The following SLC39A11 variants were observed in gnomAD, a reference collection of about 807,000 sequenced individuals.
SLC39A11 encodes the protein solute carrier family 39 member 11, also known as zinc transporter ZIP11.
Under a neutral mutation model 36.1 loss-of-function variants are expected in SLC39A11, and 33 were observed. The observed-to-expected ratio is 0.91, with a 90% CI of 0.69 to 1.22. SLC39A11 has a LOEUF of 1.22. Among genes scored for constraint, SLC39A11 ranks in the 50% most tolerant of loss-of-function variants. The probability of loss-of-function intolerance (pLI) is 0.00; values close to 1 mark genes in which losing one functional copy is unlikely to be tolerated. For missense variants in SLC39A11, 432 were observed against 430.3 expected, an observed-to-expected ratio of 1.00 and a Z score of -0.03; for synonymous variants, 166 against 170.3, an observed-to-expected ratio of 0.97 and a Z score of 0.20.
intron 6 of SLC39A11, among the ~76,000 whole-genome samples, chr17:72,753,909 A>AC (rs2075253439): frequency 6.7e-6 from 1 of 149,650 alleles, no homozygotes; most frequent in African/African-American, 2.5e-5. Context: ...AAAAAAAAAA[A>AC]AAACCTGCAC....
rs188799086 is a variant in SLC39A11 at position 72,656,194 on chromosome 17, A to G, written c.672-6926T>C. 4.1e-3 allele frequency among the ~76,000 whole-genome samples: 631 copies of G among 152,308 alleles called. 7 individuals are homozygous for G. Among genetic ancestry groups the G allele is most frequent in the African/African-American group, 0.015 (603 of 41,570 alleles). ...AAAGCCACGGGGAAAATACAAACCC[A>G]TGCCCTTCTGAAGACAGTGAAGCTG... On this transcript the variant is annotated intron_variant, in intron 7 of 9. Transcript: ENST00000255559.
chr17:73,021,916 T>TC (rs995380281), intron 4 of SLC39A11, among the ~76,000 whole-genome samples: 1 of 152,162 alleles, frequency 6.6e-6, no homozygotes, highest in African/African-American at 2.4e-5. Context: ...CTTAAGGAGT[T>TC]CCCCTCAGCA....
At chr17:72,973,118 C>A (rs2087579256) in intron 4 of SLC39A11, among the ~76,000 whole-genome samples, 1 of 151,326 alleles carries the variant, frequency 6.6e-6, no homozygotes, top group Non-Finnish European at 1.5e-5. Context: ...GAAACGTGAA[C>A]AAACAATAAC....
chr17:72,809,225 C>CTCTCTCTCTCTCTCTCTCTT (rs1568127678), intron 6 of SLC39A11, among the ~76,000 whole-genome samples: 1 of 150,922 alleles, frequency 6.6e-6, no homozygotes, highest in African/African-American at 2.4e-5. Context: ...CTCTCTCTCT[C>CTCTCTCTCTCTCTCTCTCTT]TCTTTCTTTC....
intron 6 of SLC39A11, among the ~76,000 whole-genome samples, chr17:72,800,193 G>A (rs2077036652): frequency 6.6e-6 from 1 of 152,056 alleles, no homozygotes; most frequent in Admixed American, 6.6e-5. Context: ...GAGGCAGGAG[G>A]AATACCAAGG....
chr17:72,697,929 G>A lies in SLC39A11; in HGVS notation c.671+38721C>T, dbSNP rs145260872. Among the ~76,000 whole-genome samples, 967 of 152,316 alleles carry A rather than the reference G, an allele frequency of 6.3e-3. 6 individuals carry two copies. The highest frequency in any genetic ancestry group is 0.01 in the Non-Finnish European group (686 of 68,028). On this transcript the variant is annotated intron_variant, in intron 7 of 9. Transcript: ENST00000255559. ...AGTAGACAGGAGCCACACAAGCTCC[G>A]TTATCACAGTAAAAGCCTTGTCCAG...
intron 7 of SLC39A11, among the ~76,000 whole-genome samples, chr17:72,650,671 G>A (rs2069807227): frequency 6.6e-6 from 1 of 152,254 alleles, no homozygotes; most frequent in Non-Finnish European, 1.5e-5. Flanking sequence ...ATGCTGGTGT[G>A]TGGCCCGAGG....
chr17:72,977,619 G>T (rs1368678283), intron 4 of SLC39A11, among the ~76,000 whole-genome samples: 3 of 152,120 alleles, frequency 2.0e-5, no homozygotes, highest in Non-Finnish European at 2.9e-5. Context: ...AAGCATCAGA[G>T]AAAGTGAAAG....
intron 6 of SLC39A11, among the ~76,000 whole-genome samples, chr17:72,743,969 C>T (rs1029040362): frequency 3.3e-5 from 5 of 152,198 alleles, no homozygotes; most frequent in African/African-American, 9.6e-5. Context: ...TGAACATAAG[C>T]ACCAAAGCGG....
chr17:72,760,560 C>T (rs956518150), intron 6 of SLC39A11, among the ~76,000 whole-genome samples: 10 of 152,240 alleles, frequency 6.6e-5, no homozygotes, highest in Non-Finnish European at 8.8e-5. Context: ...CACACCCCAT[C>T]TCCTACCCTG....
At chr17:73,065,291 G>C (rs2059965991) in intron 3 of SLC39A11, among the ~76,000 whole-genome samples, 2 of 152,172 alleles carry the variant, frequency 1.3e-5, no homozygotes, top group African/African-American at 4.8e-5. Context: ...TGTGATCCCA[G>C]CTACTCGGGA....
intron 6 of SLC39A11, among the ~76,000 whole-genome samples, chr17:72,824,141 G>T (rs1232349075): frequency 6.6e-6 from 1 of 151,274 alleles, no homozygotes; most frequent in African/African-American, 2.4e-5. Context: ...GTTGGAGGAG[G>T]GGCCCGGTGG....
chr17:72,970,493 CAG>C (rs1201022735), intron 4 of SLC39A11, among the ~76,000 whole-genome samples: 1 of 152,090 alleles, frequency 6.6e-6, no homozygotes, highest in Non-Finnish European at 1.5e-5. Flanking sequence ...GCTGAATTGC[CAG>C]AGAGGCAGGG....
Position 72,947,886 on chromosome 17 carries a change from A to G in SLC39A11, c.307-11T>C, listed in dbSNP as rs758428977. Reference sequence around the variant, plus strand: ...GTCTTCTGCTGCACCCTGAAACAAGAAGCGGTAACATCACTAGAGCACCAC... The same window carrying G: ...GTCTTCTGCTGCACCCTGAAACAAGGAGCGGTAACATCACTAGAGCACCAC... On this transcript the variant is annotated splice_polypyrimidine_tract_variant and intron_variant, in intron 4 of 9. Coordinates refer to ENST00000255559, the MANE Select transcript of SLC39A11 (RefSeq NM_139177.4). 1.1e-5 allele frequency: 17 copies of G among 1,612,942 alleles called. No individual in the cohort carries two copies. The highest frequency in any genetic ancestry group is 1.4e-5 in the Non-Finnish European group (16 of 1,180,010).
At position 73,031,497 on chromosome 17, in the gene SLC39A11, T is replaced by C. The variant is rs117499947; in HGVS notation, c.306+59A>G. 1.1e-4 allele frequency: 170 copies of C among 1,576,904 alleles called. 2 individuals are homozygous for C. In the East Asian group the frequency reaches 3.5e-3, roughly 32 times the overall value. ...TATGTCAGGTTTGATCAGAAATAAA[T>C]TCATTGCACAGAGCTGGTTGTATCC... is the stretch of plus-strand genomic sequence containing the variant. On this transcript the variant is annotated intron_variant, in intron 4 of 9. Transcript: ENST00000255559.
At chr17:72,736,771 G>C (rs2074447352) in intron 6 of SLC39A11, 52 bp from the exon 7 acceptor site, 1 of 1,395,706 alleles carries the variant, frequency 7.2e-7, no homozygotes, top group African/African-American at 1.4e-5. Context: ...TCCCCATAAG[G>C]AACATCACCA....
At chr17:72,788,150 C>G (rs2076580230) in intron 6 of SLC39A11, among the ~76,000 whole-genome samples, 1 of 152,148 alleles carries the variant, frequency 6.6e-6, no homozygotes, top group South Asian at 2.1e-4. Flanking sequence ...AATTTCATCC[C>G]CTGGGTCCTA....
intron 6 of SLC39A11, among the ~76,000 whole-genome samples, chr17:72,771,310 C>T (rs868574898): frequency 3.4e-4 from 52 of 150,790 alleles, no homozygotes; most frequent in Admixed American, 1.3e-3. Context: ...GAGATCGTGC[C>T]GCTGCACTCC....
chr17:73,028,132 G>C (rs1429068936), intron 4 of SLC39A11, among the ~76,000 whole-genome samples: 2 of 152,284 alleles, frequency 1.3e-5, no homozygotes, highest in East Asian at 3.9e-4. Context: ...TCAGGGGAAT[G>C]AATCAGGAAC....
Sources: gnomAD v4.1 joint callset for allele counts (sites outside exome capture counted in the v4.1 genomes callset) on GRCh38, gnomAD v4.1.1 for gene constraint, MANE v1.5 for transcripts, NCBI Gene and HGNC (gene_info 2026-07-23, HGNC 2026-07-21) for gene names.